Variants in AKNA observed in about 807,000 individuals in gnomAD.
AKNA encodes microtubule organization protein AKNA.
A neutral mutation model predicts 138.8 loss-of-function variants in AKNA; 67 were observed. The observed-to-expected ratio is 0.48, with a 90% confidence interval of 0.40 to 0.59. The LOEUF is 0.59. Among genes scored for constraint, AKNA ranks in the 20% least tolerant of loss-of-function variants. AKNA has a pLI of 0.00. For missense variants in AKNA, 1,813 were observed against 1,880.4 expected, an observed-to-expected ratio of 0.96 and a Z score of 0.66; for synonymous variants, 737 against 754.4, an observed-to-expected ratio of 0.98 and a Z score of 0.38.
In AKNA at chr9:114,343,780, G is replaced by A. The variant is rs749224473; in HGVS notation, c.3685C>T (p.Pro1229Ser). 2 of 1,613,578 alleles carry A rather than the reference G, an allele frequency of 1.2e-6. No individual in the cohort carries two copies. The highest frequency in any genetic ancestry group is 1.7e-6 in the Non-Finnish European group (2 of 1,179,536). Residue 1229 changes from proline to serine, a missense_variant, in exon 19 of 22, where the codon CCT becomes TCT. By Grantham distance (74) the Pro-to-Ser change is moderately conservative (BLOSUM62 -1). Coordinates refer to ENST00000374088, the MANE Select transcript of AKNA (RefSeq NM_001317950.2). ...YTGHEYHVLS[P>S]KAVPKGNGTV... ...CCATTGCCTTTTGGGACCGCCTTAG[G>A]GGACAGAACATGGTATTCGTGGCCT...
chr9:114,374,990 G>C (rs1833061547), intron 3 of AKNA, among the ~76,000 whole-genome samples: 1 of 152,216 alleles, frequency 6.6e-6, no homozygotes, highest in Admixed American at 6.5e-5. Flanking sequence ...CACCTCAAAT[G>C]AAAGACTAGC....
At chr9:114,343,328 G>A (rs1830480107) in intron 19 of AKNA, among the ~76,000 whole-genome samples, 1 of 152,174 alleles carries the variant, frequency 6.6e-6, no homozygotes, top group African/African-American at 2.4e-5. Flanking sequence ...GGCAGAACTG[G>A]GACTAGAACC....
intron 9 of AKNA, among the ~76,000 whole-genome samples, chr9:114,361,089 C>T (rs2131924831): frequency 6.6e-6 from 1 of 152,160 alleles, no homozygotes; most frequent in African/African-American, 2.4e-5. Context: ...ACCCACAAGT[C>T]ATCTTATGTC....
At position 114,377,433 on chromosome 9, in the gene AKNA, G is replaced by A; in HGVS notation, c.374C>T (p.Pro125Leu). ...CTCCAGACTTCCGAGGGTCCCATCT[G>A]GCTCCTCTTCAGTCATGTCCAGCTG... Reference protein sequence around the residue: ...GRQLDMTEEEPDGTLGSLEVE... With the variant: ...GRQLDMTEEELDGTLGSLEVE... Residue 125 changes from proline (P) to leucine (L), a missense_variant, in exon 3 of 22, where the codon CCA (proline) becomes CTA (leucine). By Grantham distance (98) the Pro-to-Leu change is moderately conservative. Transcript: ENST00000374088. 1 of 1,613,672 alleles carries A rather than the reference G, an allele frequency of 6.2e-7. No individual in the cohort carries two copies. Among genetic ancestry groups the A allele is most frequent in the Non-Finnish European group, 8.5e-7 (1 of 1,179,988 alleles).
chr9:114,376,742 G>T lies in AKNA; in HGVS notation c.1065C>A (p.Asn355Lys). The change falls in exon 3 of 22, where the codon AAC becomes AAA. Residue 355 changes from asparagine (N) to lysine (K), a missense_variant. By Grantham distance (94) the Asn-to-Lys change is moderately conservative. Coordinates refer to ENST00000374088, the MANE Select transcript of AKNA (RefSeq NM_001317950.2). ...CCTTGGAGAAATCAGGGAGTGGGTA[G>T]TTCAACTGCCCCCGGCCATACTTGG... Reference protein sequence around the residue: ...NAPKYGRGQLNYPLPDFSKVG... With the variant: ...NAPKYGRGQLKYPLPDFSKVG... 6.2e-7 allele frequency: 1 copy of T among 1,612,828 alleles called. No homozygotes were observed. Among genetic ancestry groups the T allele is most frequent in the Non-Finnish European group, 8.5e-7 (1 of 1,179,292 alleles).
chr9:114,335,525 A>T lies in AKNA; in HGVS notation c.*1529T>A, dbSNP rs935738732. The T allele has an allele frequency of 1.3e-5, 2 of 152,210 alleles. No individual in the cohort carries two copies. The highest frequency in any genetic ancestry group is 4.8e-5 in the African/African-American group (2 of 41,456). 9.4% of individuals were successfully genotyped at this position (152,210 alleles called of 1,614,324 possible). On this transcript the variant is annotated 3_prime_UTR_variant, in exon 22 of 22. Transcript: ENST00000374088. ...CATGGCTCACGCCTGTAATCCCAGC[A>T]ATTTGGGAGGCTGAGGTGGGTGGAT...
upstream of AKNA, among the ~76,000 whole-genome samples, chr9:114,389,617 G>A (rs780893699): frequency 1.6e-4 from 24 of 152,174 alleles, no homozygotes; most frequent in Non-Finnish European, 2.9e-4. Flanking sequence ...AGGGTAGAGC[G>A]GGGGAGCCAG....
At chr9:114,341,069 CTGTT>C (rs141359578) in intron 21 of AKNA, among the ~76,000 whole-genome samples, 4,319 of 152,278 alleles carry the variant, frequency 0.028, 212 homozygotes, top group African/African-American at 0.098. Flanking sequence ...ATAGGGGAAA[CTGTT>C]TGTGCAGGAG....
chr9:114,369,320 G>A (rs978348373), intron 4 of AKNA, among the ~76,000 whole-genome samples: 1 of 152,180 alleles, frequency 6.6e-6, no homozygotes, highest in Non-Finnish European at 1.5e-5. Context: ...TTGTAAAGAA[G>A]GTTTTATTGA....
intron 1 of AKNA, among the ~76,000 whole-genome samples, chr9:114,393,349 G>A (rs1834419317): frequency 6.6e-6 from 1 of 150,806 alleles, no homozygotes; most frequent in African/African-American, 2.4e-5. Context: ...CTGAGTAGCT[G>A]CAATTACAGG....
chr9:114,379,230 C>T (rs925273656), intron 2 of AKNA, among the ~76,000 whole-genome samples: 3 of 152,202 alleles, frequency 2.0e-5, no homozygotes, highest in African/African-American at 7.2e-5. Context: ...ACTGGGGCCA[C>T]GGGCAAGCTG....
intron 21 of AKNA, among the ~76,000 whole-genome samples, chr9:114,337,833 C>T (rs928125704): frequency 1.3e-5 from 2 of 152,114 alleles, no homozygotes; most frequent in Non-Finnish European, 2.9e-5. Context: ...GTGGGAGGGT[C>T]TGGCCCCATG....
At position 114,359,722 on chromosome 9, in the gene AKNA, CTCCTCCTCCTCCTCTCCT is replaced by C. The variant is rs1831787278; in HGVS notation, c.2346_2363del (p.Gly783_Glu788del). ...CCAGGGAGTCACCTCCCCCCTCTTCCTCCTCCTCCTCCTCTCCTTCTTCCTCCTCCTCCATTCTCATGG... is the reference window on the plus strand; with the variant it reads ...CCAGGGAGTCACCTCCCCCCTCTTCCTCTTCCTCCTCCTCCATTCTCATGG... On this transcript the variant is annotated inframe_deletion, in exon 11 of 22. Transcript: ENST00000374088. 1 of 1,592,904 alleles carries C rather than the reference CTCCTCCTCCTCCTCTCCT, an allele frequency of 6.3e-7. No homozygotes were observed. Among genetic ancestry groups the C allele is most frequent in the South Asian group, 1.1e-5 (1 of 88,058 alleles).
chr9:114,392,520 T>G (rs1834384495), upstream of AKNA, among the ~76,000 whole-genome samples: 1 of 152,230 alleles, frequency 6.6e-6, no homozygotes, highest in Admixed American at 6.5e-5. Context: ...ATCTGTAACA[T>G]GGACCAATAA....
chr9:114,380,981 CAAA>C (rs34055519), intron 2 of AKNA, 76 bp downstream of exon 2: 20,520 of 1,076,940 alleles, frequency 0.019, 5 homozygotes, highest in East Asian at 0.043. Flanking sequence ...GACTCTGTCT[CAAA>C]AAAAAAAAAA....
chr9:114,374,501 C>A (rs149243795), intron 3 of AKNA, among the ~76,000 whole-genome samples: 196 of 152,332 alleles, frequency 1.3e-3, no homozygotes, highest in African/African-American at 4.5e-3. Flanking sequence ...CCCTGCCCAC[C>A]GGTTGGCTCT....
chr9:114,378,650 T>C (rs917917812), intron 2 of AKNA, among the ~76,000 whole-genome samples: 8 of 152,208 alleles, frequency 5.3e-5, no homozygotes, highest in African/African-American at 1.9e-4. Flanking sequence ...ATTGTAATTA[T>C]TACATAGTGG....
intron 1 of AKNA, among the ~76,000 whole-genome samples, chr9:114,385,248 G>T (rs1438440214): frequency 6.6e-6 from 1 of 152,162 alleles, no homozygotes. Context: ...GGGATCTTAA[G>T]CTTCAGTGTG....
At chr9:114,349,082 A>C in intron 15 of AKNA, 1 of 419,470 alleles carries the variant, frequency 2.4e-6, no homozygotes, top group East Asian at 7.2e-5. Context: ...AGGCAAAGCC[A>C]CGAGGGCAAG....
Sources: allele counts gnomAD v4.1 joint callset (sites outside exome capture counted in the v4.1 genomes callset), GRCh38; gene constraint gnomAD v4.1.1; transcripts MANE v1.5; gene names NCBI Gene and HGNC (gene_info 2026-07-23, HGNC 2026-07-21).